Variants in RALGPS1 observed in about 807,000 individuals in gnomAD.
The protein encoded by RALGPS1 is ras-specific guanine nucleotide-releasing factor RalGPS1.
Under a neutral mutation model 78.8 loss-of-function variants are expected in RALGPS1, and 19 were observed. The observed-to-expected ratio is 0.24, with a 90% CI of 0.17 to 0.35. The LOEUF is 0.35. Among genes scored for constraint, RALGPS1 ranks in the 10% least tolerant of loss-of-function variants. RALGPS1 has a pLI of 1.00. For missense variants in RALGPS1, 454 were observed against 688.3 expected (o/e 0.66, Z 3.81); for synonymous variants, 228 against 256.3 (o/e 0.89, Z 1.06).
At chr9:127,165,284 G>A (rs1173547377) in intron 8 of RALGPS1, among the ~76,000 whole-genome samples, 1 of 152,326 alleles carries the variant, frequency 6.6e-6, no homozygotes, top group South Asian at 2.1e-4. Flanking sequence ...TCTGAAGCTC[G>A]GCCCTGCAGC....
chr9:126,984,501 CA>C (rs1384747235), intron 4 of RALGPS1, among the ~76,000 whole-genome samples: 84 of 152,338 alleles, frequency 5.5e-4, no homozygotes, highest in African/African-American at 2.0e-3. Context: ...TCAGAGTAAG[CA>C]GGTGGTGCCC....
rs76533095 is a variant in RALGPS1 at position 127,183,768 on chromosome 9, G to A, written c.910+8986G>A. On this transcript the variant is annotated intron_variant, in intron 11 of 18. Transcript: ENST00000259351. The surrounding 1 kb of genome is among the most constrained non-coding windows in gnomAD (Gnocchi z 4.0). ...ACTCTCTCTGCCCGTTTATATTTTC[G>A]GAATGGATGGGTGGGAGGGGCCCTC... 2.8e-3 allele frequency: 2,789 copies of A among 1,013,720 alleles called. 62 individuals are homozygous for A. In the African/African-American group the frequency reaches 0.042, roughly 15 times the overall value. 62.8% of individuals were successfully genotyped at this position (1,013,720 alleles called of 1,614,324 possible). A position where few individuals can be genotyped will look rare whatever the true frequency, so the allele number is the denominator to read the frequency against.
chr9:127,026,689 A>G (rs1016207056), intron 4 of RALGPS1, among the ~76,000 whole-genome samples: 2 of 151,944 alleles, frequency 1.3e-5, no homozygotes, highest in African/African-American at 4.8e-5. Flanking sequence ...TGTTGGCTTC[A>G]CTCATATGCC....
At chr9:127,051,735 C>G (rs1329228731) in intron 6 of RALGPS1, among the ~76,000 whole-genome samples, 1 of 152,178 alleles carries the variant, frequency 6.6e-6, no homozygotes, top group African/African-American at 2.4e-5. Flanking sequence ...CTACAATGTG[C>G]TGGGCACTGT....
chr9:126,935,261 T>G (rs1170629960), intron 1 of RALGPS1, among the ~76,000 whole-genome samples: 1 of 152,212 alleles, frequency 6.6e-6, no homozygotes, highest in Non-Finnish European at 1.5e-5. Flanking sequence ...CTGTGTCTTG[T>G]TCAATGCCTT....
At chr9:127,105,694 C>T (rs58805406) in intron 8 of RALGPS1, among the ~76,000 whole-genome samples, 8,865 of 152,236 alleles carry the variant, frequency 0.058, 868 homozygotes, top group African/African-American at 0.2. Context: ...TCGACGGATA[C>T]TCCCTCCCAG....
At chr9:127,030,028 G>C (rs934944192) in intron 4 of RALGPS1, among the ~76,000 whole-genome samples, 21 of 152,192 alleles carry the variant, frequency 1.4e-4, no homozygotes, top group African/African-American at 5.1e-4. Flanking sequence ...GTGTCTTTGT[G>C]ATAAACATTC....
intron 5 of RALGPS1, among the ~76,000 whole-genome samples, chr9:127,044,993 A>G (rs569610430): frequency 2.5e-4 from 38 of 152,328 alleles, no homozygotes; most frequent in African/African-American, 2.9e-4. Flanking sequence ...ATTCTGGAAA[A>G]GGTAAAGCTA....
chr9:127,077,592 T>A (rs1459983531), intron 8 of RALGPS1, among the ~76,000 whole-genome samples: 6 of 152,318 alleles, frequency 3.9e-5, no homozygotes, highest in African/African-American at 9.6e-5. Context: ...GTGCAGTAGT[T>A]CCCTTGTCAG....
Position 127,055,208 on chromosome 9 carries a change from A to ATCTG in RALGPS1, c.483+2272_483+2273insGTCT, listed in dbSNP as rs1554809728. Among the ~76,000 whole-genome samples the ATCTG allele has an allele frequency of 8.1e-4, 75 of 92,056 alleles. No individual in the cohort carries two copies. The South Asian group carries it at 9.7e-3, about 12-fold the overall frequency. The allele number at this position is 92,056 out of a possible 152,430, so 60.4% of individuals were successfully genotyped here. A position where few individuals can be genotyped will look rare whatever the true frequency, so the allele number is the denominator to read the frequency against. On this transcript the variant is annotated intron_variant, in intron 7 of 18. Coordinates refer to ENST00000259351, the MANE Select transcript of RALGPS1 (RefSeq NM_014636.3). Reference sequence around the variant, plus strand: ...ACTGCCCTAAATGCTTTTTCTATCTATCTATCTGTCTGTCTGTCTGTCTGT... The same window carrying ATCTG: ...ACTGCCCTAAATGCTTTTTCTATCTATCTGTCTATCTGTCTGTCTGTCTGTCTGT...
chr9:127,097,461 C>G (rs953054650), intron 8 of RALGPS1, among the ~76,000 whole-genome samples: 1 of 152,226 alleles, frequency 6.6e-6, no homozygotes, highest in Non-Finnish European at 1.5e-5. Flanking sequence ...ACACAATTTC[C>G]CTTAGAACCC....
chr9:126,961,910 G>A (rs1588666747), intron 1 of RALGPS1, among the ~76,000 whole-genome samples: 3 of 152,244 alleles, frequency 2.0e-5, no homozygotes, highest in African/African-American at 7.2e-5. Flanking sequence ...CCAAGGGGCA[G>A]CCACCACTCA....
chr9:127,016,259 A>G (rs1225654312), intron 4 of RALGPS1, among the ~76,000 whole-genome samples: 3 of 152,180 alleles, frequency 2.0e-5, no homozygotes, highest in Admixed American at 1.3e-4. Context: ...ACTGAAAGAA[A>G]GAAAAGTGCT....
At chr9:126,953,194 C>G (rs773326809) in intron 1 of RALGPS1, among the ~76,000 whole-genome samples, 13 of 152,254 alleles carry the variant, frequency 8.5e-5, no homozygotes, top group Admixed American at 7.2e-4. Flanking sequence ...GGAGTCCCCC[C>G]ACACAAGACC....
intron 4 of RALGPS1, among the ~76,000 whole-genome samples, chr9:126,984,459 A>G (rs904643099): frequency 1.3e-5 from 2 of 152,312 alleles, no homozygotes; most frequent in East Asian, 3.9e-4. Flanking sequence ...CTACTTGTAC[A>G]TACTTAATTC....
intron 14 of RALGPS1, among the ~76,000 whole-genome samples, chr9:127,207,359 T>C (rs2061989633): frequency 6.6e-6 from 1 of 152,116 alleles, no homozygotes; most frequent in Non-Finnish European, 1.5e-5. Context: ...CAGTCCTCCT[T>C]CTGACTCCAC....
chr9:127,191,700 G>GCTT (rs1554868027), intron 11 of RALGPS1, among the ~76,000 whole-genome samples: 3 of 125,522 alleles, frequency 2.4e-5, no homozygotes, highest in African/African-American at 8.9e-5. Flanking sequence ...GTTTTTTTTT[G>GCTT]TTTTTTTTTT....
chr9:127,075,206 G>C (rs1167423382), intron 8 of RALGPS1, among the ~76,000 whole-genome samples: 2 of 152,232 alleles, frequency 1.3e-5, no homozygotes, highest in Non-Finnish European at 2.9e-5. Flanking sequence ...AGCGAGTCCA[G>C]CTGAACTGCT....
intron 8 of RALGPS1, among the ~76,000 whole-genome samples, chr9:127,136,428 G>A (rs1351016892): frequency 6.6e-6 from 1 of 152,176 alleles, no homozygotes; most frequent in Admixed American, 6.5e-5. Flanking sequence ...CTCTTCCCGG[G>A]ACCCTGCTGG....
Sources: allele counts gnomAD v4.1 joint callset (sites outside exome capture counted in the v4.1 genomes callset), GRCh38; gene constraint gnomAD v4.1.1; non-coding constraint Gnocchi (gnomAD v3.1); transcripts MANE v1.5; gene names NCBI Gene and HGNC (gene_info 2026-07-23, HGNC 2026-07-21).